Variants in FAM120B observed in about 807,000 individuals in gnomAD.
The protein encoded by FAM120B is constitutive coactivator of peroxisome proliferator-activated receptor gamma.
Under a neutral mutation model 96.3 loss-of-function variants are expected in FAM120B, and 83 were observed. The ratio of observed to expected loss-of-function variants is 0.86; its 90% CI spans 0.72 to 1.03. FAM120B has a LOEUF of 1.03. Ranked by LOEUF, FAM120B falls within the 50% of genes least tolerant of loss-of-function variation. The probability of loss-of-function intolerance (pLI) is 0.00; values close to 1 mark genes in which losing one functional copy is unlikely to be tolerated. For missense variants in FAM120B, 1,027 were observed against 1,121.2 expected (o/e 0.92, Z 1.20); for synonymous variants, 407 against 402.7 (o/e 1.01, Z -0.13).
At chr6:170,377,348 G>A (rs1438905753) in intron 6 of FAM120B, among the ~76,000 whole-genome samples, 1 of 134,248 alleles carries the variant, frequency 7.4e-6, no homozygotes, top group Admixed American at 7.4e-5. Context: ...CTGTGCACAC[G>A]CGTCCCTAAA....
At chr6:170,380,029 T>C (rs937610594) in intron 6 of FAM120B, among the ~76,000 whole-genome samples, 3 of 152,180 alleles carry the variant, frequency 2.0e-5, no homozygotes, top group Admixed American at 6.5e-5. Context: ...ACCCAGTAAC[T>C]CCCGTTCTGC....
At chr6:170,291,454 T>A (rs1353231488), upstream of FAM120B, among the ~76,000 whole-genome samples, 2 of 151,898 alleles carry the variant, frequency 1.3e-5, no homozygotes, top group Non-Finnish European at 2.9e-5. Context: ...GAGGACGAAG[T>A]TCGAGGCCCG....
chr6:170,399,636 G>T (rs1778430017), intron 9 of FAM120B, among the ~76,000 whole-genome samples: 1 of 144,452 alleles, frequency 6.9e-6, no homozygotes, highest in East Asian at 2.8e-4. Context: ...TTAGGAGTGA[G>T]TGGGGAAGGT....
At chr6:170,322,815 A>G (rs980240807) in intron 2 of FAM120B, among the ~76,000 whole-genome samples, 1 of 152,134 alleles carries the variant, frequency 6.6e-6, no homozygotes, top group African/African-American at 2.4e-5. Context: ...CTGGGAGGTT[A>G]TCAAGGAGAC....
At position 170,362,904 on chromosome 6, in the gene FAM120B, C is replaced by T. The variant is rs144307772; in HGVS notation, c.2283+4586C>T. Among the ~76,000 whole-genome samples, 1,350 of 151,896 alleles carry T rather than the reference C, an allele frequency of 8.9e-3. 65 individuals are homozygous for T. In the East Asian group the frequency reaches 0.11, roughly 12 times the overall value. ...GTTGCTATGTTGCCCAGGATGGTCT[C>T]GAACTCCTGAGCTCAAGCAATCCTC... is the stretch of plus-strand genomic sequence containing the variant. On this transcript the variant is annotated intron_variant, in intron 6 of 10. Transcript: ENST00000476287.
At chr6:170,290,737 C>T (rs1184273287), upstream of FAM120B, 2 of 424,354 alleles carry the variant, frequency 4.7e-6, no homozygotes, top group Non-Finnish European at 8.5e-6. The surrounding 1 kb of genome is among the most constrained non-coding windows in gnomAD (Gnocchi z 4.7). Context: ...CGGGAGCACT[C>T]CGGGCTCCGA....
intron 5 of FAM120B, among the ~76,000 whole-genome samples, chr6:170,357,891 C>T (rs1788056765): frequency 6.6e-6 from 1 of 152,226 alleles, no homozygotes; most frequent in South Asian, 2.1e-4. Context: ...AGAGGCTGTG[C>T]TCTTTCCACC....
At position 170,348,629 on chromosome 6, in the gene FAM120B, CCT is replaced by C. The variant is rs201097983; in HGVS notation, c.2190+309_2190+310del. On this transcript the variant is annotated intron_variant, in intron 5 of 10. Transcript: ENST00000476287. ...AAACTTTGTGGACCATAGTGTACCT[CCT>C]CTGTCCTCGTGGCATTGTTTAGGTG... is the stretch of plus-strand genomic sequence containing the variant. Among the ~76,000 whole-genome samples the C allele has an allele frequency of 5.4e-3, 816 of 152,260 alleles. 4 individuals are homozygous for C. Among genetic ancestry groups the C allele is most frequent in the Middle Eastern group, 0.017 (5 of 294 alleles).
chr6:170,323,586 G>GA (rs1231211643), intron 3 of FAM120B, among the ~76,000 whole-genome samples: 1 of 152,148 alleles, frequency 6.6e-6, no homozygotes, highest in African/African-American at 2.4e-5. Flanking sequence ...TCCTGTAGGG[G>GA]AGAGTAGAGT....
intron 1 of FAM120B, among the ~76,000 whole-genome samples, chr6:170,308,043 C>T (rs1297857735): frequency 6.6e-6 from 1 of 152,156 alleles, no homozygotes; most frequent in Non-Finnish European, 1.5e-5. Flanking sequence ...TTGTTTTTGA[C>T]CTTTCTCTGG....
chr6:170,387,211 A>G (rs2115307465), intron 6 of FAM120B, among the ~76,000 whole-genome samples: 1 of 152,374 alleles, frequency 6.6e-6, no homozygotes, highest in South Asian at 2.1e-4. Flanking sequence ...GCTGTGCAAC[A>G]AAAATCATTT....
At chr6:170,404,013 T>C (rs1361078780) in intron 9 of FAM120B, among the ~76,000 whole-genome samples, 1 of 152,152 alleles carries the variant, frequency 6.6e-6, no homozygotes, top group Non-Finnish European at 1.5e-5. Context: ...CACCAGAAGA[T>C]AACTCAGAGC....
chr6:170,322,327 A>G (rs1202654437), intron 2 of FAM120B, among the ~76,000 whole-genome samples: 1 of 152,192 alleles, frequency 6.6e-6, no homozygotes, highest in Admixed American at 6.5e-5. Flanking sequence ...TTACAGGGAA[A>G]ATAGGATATG....
chr6:170,292,875 A>G (rs1783918013), upstream of FAM120B, among the ~76,000 whole-genome samples: 1 of 152,218 alleles, frequency 6.6e-6, no homozygotes, highest in African/African-American at 2.4e-5. This position sits in a 1 kb window ranked among gnomAD's most constrained non-coding sequence, Gnocchi z 6.6. Context: ...AGTTAACCAC[A>G]AGAAACAAGC....
chr6:170,403,322 T>C (rs1257828321), intron 9 of FAM120B, among the ~76,000 whole-genome samples: 1 of 152,238 alleles, frequency 6.6e-6, no homozygotes, highest in African/African-American at 2.4e-5. Flanking sequence ...TGAGGGAGTT[T>C]GGGGCAGCAC....
At chr6:170,368,664 G>GTGAA (rs1373945162) in intron 6 of FAM120B, among the ~76,000 whole-genome samples, 1 of 152,208 alleles carries the variant, frequency 6.6e-6, no homozygotes, top group African/African-American at 2.4e-5. Flanking sequence ...TAAAAATTTG[G>GTGAA]TGAATGAATG....
At chr6:170,312,076 C>T (rs1385595433) in intron 1 of FAM120B, among the ~76,000 whole-genome samples, 1 of 152,160 alleles carries the variant, frequency 6.6e-6, no homozygotes, top group Non-Finnish European at 1.5e-5. Context: ...TGTAGGAGAA[C>T]AGTGACATCA....
chr6:170,334,763 C>T (rs1786299869), intron 4 of FAM120B, among the ~76,000 whole-genome samples: 1 of 152,172 alleles, frequency 6.6e-6, no homozygotes, highest in Non-Finnish European at 1.5e-5. Flanking sequence ...AACAAATTCA[C>T]ATTAGAGTCA....
chr6:170,338,712 G>C (rs1786606397), intron 4 of FAM120B, among the ~76,000 whole-genome samples: 1 of 152,012 alleles, frequency 6.6e-6, no homozygotes. Context: ...TCCTGTATTG[G>C]GTGCATATAT....
Sources: allele counts gnomAD v4.1 joint callset (sites outside exome capture counted in the v4.1 genomes callset), GRCh38; gene constraint gnomAD v4.1.1; non-coding constraint Gnocchi (gnomAD v3.1); transcripts MANE v1.5; gene names NCBI Gene and HGNC (gene_info 2026-07-23, HGNC 2026-07-21).